Variants in CSMD2 observed in about 807,000 individuals in gnomAD.
The protein encoded by CSMD2 is CUB and sushi domain-containing protein 2.
Under a neutral mutation model 398.5 loss-of-function variants are expected in CSMD2, and 130 were observed. The observed-to-expected ratio is 0.33, with a 90% CI of 0.28 to 0.38. The LOEUF (loss-of-function observed/expected upper bound fraction) is 0.38, where lower values mean the gene tolerates loss of function less well. CSMD2 is among the 10% of genes least tolerant of loss of function. The pLI is 1.00. For missense variants in CSMD2, 3,829 were observed against 4,764.9 expected (o/e 0.80, Z 5.78); for synonymous variants, 1,828 against 1,908.5 (o/e 0.96, Z 1.10).
Position 33,586,514 on chromosome 1 carries a change from C to A in CSMD2, c.7041G>T (p.Pro2347=), listed in dbSNP as rs41265915. The change falls in exon 46 of 71, where the codon CCG becomes CCT. Residue 2347 remains proline, a synonymous_variant. Transcript: ENST00000373381. ...GTYLQFEGPP[P]ICEVHCPTNE... is the part of the protein sequence containing the mutation. Reference sequence around the variant, plus strand: ...GCTCCATGCAATTACCTTCACATATCGGGGGTGGTCCTTCAAACTGCAGGT... The same window carrying A: ...GCTCCATGCAATTACCTTCACATATAGGGGGTGGTCCTTCAAACTGCAGGT... 1 of 1,610,326 alleles carries A rather than the reference C, an allele frequency of 6.2e-7. No individual in the cohort carries two copies. The highest frequency in any genetic ancestry group is 2.2e-5 in the East Asian group (1 of 44,828).
intron 41 of CSMD2, chr1:33,605,894 G>A (rs2148820362): frequency 1.2e-6 from 2 of 1,613,886 alleles, no homozygotes; most frequent in Admixed American, 1.7e-5. Flanking sequence ...CCCAGACATA[G>A]GAAGCGGCGA....
In CSMD2 at chr1:33,625,062, G is replaced by A; in HGVS notation, c.5489C>T (p.Pro1830Leu). The A allele has an allele frequency of 6.2e-7, 1 of 1,614,008 alleles. No individual in the cohort carries two copies. The highest frequency in any genetic ancestry group is 8.5e-7 in the Non-Finnish European group (1 of 1,180,006). Reference protein sequence around the residue: ...GALAQWNVSAPTCVVPCGGNL... With the variant: ...GALAQWNVSALTCVVPCGGNL... ...TCCTGGTTACTCACCCACACACGTG[G>A]GCGCTGAGACATTCCATTGGGCCAA... Residue 1830 changes from proline to leucine, a missense_variant, in exon 34 of 71, where the codon CCC becomes CTC. Around this residue, in one of 5 missense-constraint regions of CSMD2, gnomAD observed 2,001 missense variants for 2,567.1 expected, o/e 0.78. Coordinates refer to ENST00000373381, the MANE Select transcript of CSMD2 (RefSeq NM_001281956.2).
At chr1:33,520,032 T>G in intron 68 of CSMD2, 82 bp from the exon 69 acceptor site, 2 of 1,527,588 alleles carry the variant, frequency 1.3e-6, no homozygotes, top group Non-Finnish European at 9.0e-7. Flanking sequence ...CTATACACTC[T>G]TGGGAAGCAG....
chr1:33,796,915 G>GT (rs1655022487), intron 10 of CSMD2, among the ~76,000 whole-genome samples: 1 of 152,174 alleles, frequency 6.6e-6, no homozygotes, highest in African/African-American at 2.4e-5. Context: ...GTCTTATGTG[G>GT]TTGAGACAAG....
chr1:33,570,498 C>T (rs1230776221), intron 51 of CSMD2, among the ~76,000 whole-genome samples: 1 of 152,034 alleles, frequency 6.6e-6, no homozygotes, highest in African/African-American at 2.4e-5. Flanking sequence ...TCCTCCTTCC[C>T]AGTTTCAAAC....
chr1:34,107,887 T>C lies in CSMD2; in HGVS notation c.188-18694A>G, dbSNP rs79888709. 5.9e-3 allele frequency among the ~76,000 whole-genome samples: 902 copies of C among 152,226 alleles called. 14 individuals carry two copies. Among genetic ancestry groups the C allele is most frequent in the African/African-American group, 0.021 (860 of 41,532 alleles). ...ATTGAACTTCCCAGAAGAAAAAGAA[T>C]CATAATAACTCGGGAAATAGGAGTG... On this transcript the variant is annotated intron_variant, in intron 1 of 70. Coordinates refer to ENST00000373381, the MANE Select transcript of CSMD2 (RefSeq NM_001281956.2).
chr1:34,082,113 C>T (rs552406307), intron 2 of CSMD2, among the ~76,000 whole-genome samples: 11 of 146,766 alleles, frequency 7.5e-5, no homozygotes, highest in East Asian at 2.2e-4. Context: ...ATGTGGGGAG[C>T]GCCTCTGCCC....
chr1:34,131,321 G>A (rs1402256472), intron 1 of CSMD2, among the ~76,000 whole-genome samples: 1 of 152,156 alleles, frequency 6.6e-6, no homozygotes, highest in Non-Finnish European at 1.5e-5. Context: ...TCAAAGTTCT[G>A]TCTGCTCTAT....
chr1:33,778,366 G>A (rs969538781), intron 12 of CSMD2, among the ~76,000 whole-genome samples: 1 of 151,944 alleles, frequency 6.6e-6, no homozygotes, highest in Non-Finnish European at 1.5e-5. Flanking sequence ...CTACCCATCT[G>A]TTCATTCAAC....
chr1:33,928,224 C>G (rs1032243491), intron 4 of CSMD2, among the ~76,000 whole-genome samples: 5 of 152,208 alleles, frequency 3.3e-5, no homozygotes, highest in African/African-American at 9.6e-5. Flanking sequence ...GGCTCCACCA[C>G]TCTCAAGCTG....
intron 3 of CSMD2, among the ~76,000 whole-genome samples, chr1:33,986,022 C>T (rs1448658049): frequency 2.0e-5 from 3 of 152,146 alleles, no homozygotes; most frequent in Non-Finnish European, 2.9e-5. Flanking sequence ...GTCTGACTGC[C>T]CCAACCCAGG....
chr1:33,579,294 C>T (rs546778603), intron 48 of CSMD2, among the ~76,000 whole-genome samples: 38 of 152,148 alleles, frequency 2.5e-4, no homozygotes, highest in Middle Eastern at 3.2e-3. Context: ...TTCCATCATG[C>T]GGACACTGAA....
intron 10 of CSMD2, among the ~76,000 whole-genome samples, chr1:33,808,672 G>C (rs1656508615): frequency 6.6e-6 from 1 of 151,818 alleles, no homozygotes; most frequent in Admixed American, 6.6e-5. Flanking sequence ...TCAAAATTAA[G>C]ATGCTAGAAA....
intron 3 of CSMD2, among the ~76,000 whole-genome samples, chr1:33,972,266 G>A (rs1012498504): frequency 1.9e-4 from 29 of 152,278 alleles, no homozygotes; most frequent in African/African-American, 7.0e-4. Flanking sequence ...ACAGCACAGT[G>A]CTGCTTTGTG....
upstream of CSMD2, chr1:34,165,595 CACAA>C (rs1005123525): frequency 2.1e-5 from 15 of 712,538 alleles, no homozygotes; most frequent in South Asian, 1.2e-4. Flanking sequence ...CACACACACA[CACAA>C]ACACACACAC....
chr1:33,538,644 CAGA>C (rs962530653), intron 60 of CSMD2, among the ~76,000 whole-genome samples: 2 of 152,160 alleles, frequency 1.3e-5, no homozygotes, highest in Non-Finnish European at 2.9e-5. Context: ...TTACTGTATC[CAGA>C]AGGAGGCAAC....
Position 34,066,697 on chromosome 1 carries a change from G to A in CSMD2, c.404+22280C>T, listed in dbSNP as rs182744595. 1.1e-4 allele frequency among the ~76,000 whole-genome samples: 16 copies of A among 152,242 alleles called. No homozygotes were observed. In the East Asian group the frequency reaches 1.4e-3, roughly 13 times the overall value. ...AGGCAGGGGTCTGGCGGGCTTGGACGCAGCAGGATGTGGACCAGCCAGGGG... is the reference window on the plus strand; with the variant it reads ...AGGCAGGGGTCTGGCGGGCTTGGACACAGCAGGATGTGGACCAGCCAGGGG... On this transcript the variant is annotated intron_variant, in intron 2 of 70. Coordinates refer to ENST00000373381, the MANE Select transcript of CSMD2 (RefSeq NM_001281956.2).
chr1:34,021,432 G>A (rs1301156933), intron 3 of CSMD2, among the ~76,000 whole-genome samples: 2 of 152,170 alleles, frequency 1.3e-5, no homozygotes, highest in Admixed American at 1.3e-4. Flanking sequence ...TATCCACACG[G>A]GAGAAATCAC....
intron 3 of CSMD2, among the ~76,000 whole-genome samples, chr1:33,994,120 G>A (rs1336387943): frequency 6.6e-6 from 1 of 152,138 alleles, no homozygotes; most frequent in African/African-American, 2.4e-5. Context: ...TACCCTTAAA[G>A]GAATCTAGGG....
Sources: gnomAD v4.1 joint callset for allele counts (sites outside exome capture counted in the v4.1 genomes callset) on GRCh38, gnomAD v4.1.1 for gene constraint, gnomAD v4.1.1 regional missense constraint, MANE v1.5 for transcripts, NCBI Gene and HGNC (gene_info 2026-07-23, HGNC 2026-07-21) for gene names.